Variants in GFRA1 observed in about 807,000 individuals in gnomAD.
GFRA1 encodes GDNF family receptor alpha 1.
In GFRA1, 16 loss-of-function variants were observed where a neutral mutation model predicts 51.6. The ratio of observed to expected loss-of-function variants is 0.31; its 90% CI spans 0.21 to 0.47. The LOEUF (loss-of-function observed/expected upper bound fraction) is 0.47. Among genes scored for constraint, GFRA1 ranks in the 20% least tolerant of loss-of-function variants. GFRA1 has a pLI of 1.00. For missense variants in GFRA1, 530 were observed against 594.3 expected, an observed-to-expected ratio of 0.89 and a Z score of 1.13; for synonymous variants, 270 against 241.3, an observed-to-expected ratio of 1.12 and a Z score of -1.10.
At chr10:116,195,795 CA>C (rs1244716281) in intron 5 of GFRA1, among the ~76,000 whole-genome samples, 1 of 152,176 alleles carries the variant, frequency 6.6e-6, no homozygotes, top group Non-Finnish European at 1.5e-5. Context: ...AGCTCAGGCC[CA>C]AACTTGCAAA....
rs1412401631 is a variant in GFRA1 at position 116,062,424 on chromosome 10, T to A, written c.*1974A>T. 6.9e-6 allele frequency: 2 copies of A among 288,726 alleles called. No individual in the cohort carries two copies. Among genetic ancestry groups the A allele is most frequent in the Non-Finnish European group, 1.3e-5 (2 of 157,832 alleles). 17.9% of individuals were successfully genotyped at this position (288,726 alleles called of 1,614,324 possible). Reference sequence around the variant, plus strand: ...TCTGCTGAATTTCCCTTGAAAACATTTTGAAGTGAAAAAAGTCAGTACTGA... The same window carrying A: ...TCTGCTGAATTTCCCTTGAAAACATATTGAAGTGAAAAAAGTCAGTACTGA... On this transcript the variant is annotated 3_prime_UTR_variant, in exon 11 of 11. Coordinates refer to ENST00000355422, the MANE Select transcript of GFRA1 (RefSeq NM_005264.8).
chr10:116,199,709 T>C (rs1964175045), intron 5 of GFRA1, among the ~76,000 whole-genome samples: 1 of 152,214 alleles, frequency 6.6e-6, no homozygotes, highest in African/African-American at 2.4e-5. Flanking sequence ...TTGGTATTTG[T>C]TTCATTTTTT....
chr10:116,167,926 T>C (rs78103480), intron 5 of GFRA1, among the ~76,000 whole-genome samples: 2,685 of 152,058 alleles, frequency 0.018, 37 homozygotes, highest in South Asian at 0.033. Flanking sequence ...GTCCATATAA[T>C]GGACTTTGGG....
intron 4 of GFRA1, among the ~76,000 whole-genome samples, chr10:116,259,162 A>T (rs1252650532): frequency 6.6e-6 from 1 of 152,200 alleles, no homozygotes; most frequent in Non-Finnish European, 1.5e-5. Context: ...TACATTATTA[A>T]CTGTACACAA....
At chr10:116,227,993 G>C (rs1178713868) in intron 4 of GFRA1, among the ~76,000 whole-genome samples, 1 of 152,216 alleles carries the variant, frequency 6.6e-6, no homozygotes, top group Non-Finnish European at 1.5e-5. Context: ...AAAGAACAAA[G>C]CTCATTTCTG....
chr10:116,062,258 T>C lies in GFRA1; in HGVS notation c.*2140A>G. ...CCAGTGTAGATACACAGAGATACCT[T>C]AATGAAAACAAAATACACTCTGTAA... On this transcript the variant is annotated 3_prime_UTR_variant, in exon 11 of 11. Transcript: ENST00000355422. The C allele has an allele frequency of 2.5e-6, 1 of 397,564 alleles. No individual in the cohort carries two copies. Among genetic ancestry groups the C allele is most frequent in the Non-Finnish European group, 4.4e-6 (1 of 225,720 alleles). 24.6% of individuals were successfully genotyped at this position (397,564 alleles called of 1,614,324 possible).
At chr10:116,257,496 C>T (rs1461973230) in intron 4 of GFRA1, among the ~76,000 whole-genome samples, 2 of 152,266 alleles carry the variant, frequency 1.3e-5, no homozygotes, top group East Asian at 3.9e-4. Context: ...CCCACACTTG[C>T]TCTTGCTCCA....
intron 4 of GFRA1, among the ~76,000 whole-genome samples, chr10:116,265,991 T>C (rs892474328): frequency 1.3e-5 from 2 of 152,154 alleles, no homozygotes; most frequent in Non-Finnish European, 2.9e-5. Context: ...GCTACTTGGT[T>C]TCCCTTCTGC....
At chr10:116,267,602 T>C (rs1969765568) in intron 4 of GFRA1, among the ~76,000 whole-genome samples, 1 of 152,096 alleles carries the variant, frequency 6.6e-6, no homozygotes, top group Non-Finnish European at 1.5e-5. Flanking sequence ...CAGGCATCAG[T>C]ACAAAGGAGG....
At chr10:116,124,755 C>G (rs1957783326) in intron 6 of GFRA1, among the ~76,000 whole-genome samples, 2 of 152,180 alleles carry the variant, frequency 1.3e-5, no homozygotes, top group Non-Finnish European at 2.9e-5. Context: ...ATTCAAAGTT[C>G]TCCCCAAGGC....
In GFRA1 at chr10:116,272,040, C is replaced by T. The variant is rs1009916720; in HGVS notation, c.-11G>A. The T allele has an allele frequency of 2.6e-6, 4 of 1,552,950 alleles. No individual in the cohort carries two copies. Among genetic ancestry groups the T allele is most frequent in the South Asian group, 2.4e-5 (2 of 84,252 alleles). Reference sequence around the variant, plus strand: ...GGTCGCCAGGAACATGGTGCCGGCGCGGGGCTGGTCCCCGCCCCCCCAAAA... The same window carrying T: ...GGTCGCCAGGAACATGGTGCCGGCGTGGGGCTGGTCCCCGCCCCCCCAAAA... On this transcript the variant is annotated 5_prime_UTR_variant, in exon 2 of 11. Transcript: ENST00000355422. This position sits in a 1 kb window ranked among gnomAD's most constrained non-coding sequence, Gnocchi z 4.4.
intron 5 of GFRA1, among the ~76,000 whole-genome samples, chr10:116,151,227 G>C (rs7096445): frequency 0.72 from 110,151 of 152,094 alleles, 40,747 homozygotes; most frequent in East Asian, 0.8. Flanking sequence ...TAGGTTTCCA[G>C]AGACATGCCT....
chr10:116,164,983 A>G (rs758270044), intron 5 of GFRA1, among the ~76,000 whole-genome samples: 2 of 152,136 alleles, frequency 1.3e-5, no homozygotes, highest in African/African-American at 2.4e-5. Context: ...CTCCTTTCCA[A>G]TATTGTGCCT....
chr10:116,272,308 G>T lies in GFRA1; in HGVS notation c.-246-33C>A. 1 of 547,498 alleles carries T rather than the reference G, an allele frequency of 1.8e-6. No individual in the cohort carries two copies. The highest frequency in any genetic ancestry group is 3.3e-6 in the Non-Finnish European group (1 of 304,410). 33.9% of individuals were successfully genotyped at this position (547,498 alleles called of 1,614,324 possible). On this transcript the variant is annotated intron_variant, in intron 1 of 10. Transcript: ENST00000355422. The surrounding 1 kb of genome is among the most constrained non-coding windows in gnomAD (Gnocchi z 4.4). ...GGAGGGCGCGCTTTGAGATGAGAGC[G>T]GAGAGCGCCGGAGACTCCCCCCACA...
At chr10:116,265,059 A>G (rs1969558042) in intron 4 of GFRA1, among the ~76,000 whole-genome samples, 1 of 152,246 alleles carries the variant, frequency 6.6e-6, no homozygotes, top group Non-Finnish European at 1.5e-5. Context: ...AATGCTAAAC[A>G]TGGCTAATTA....
intron 4 of GFRA1, among the ~76,000 whole-genome samples, chr10:116,252,611 G>GA (rs1472188122): frequency 6.6e-6 from 1 of 152,156 alleles, no homozygotes; most frequent in Non-Finnish European, 1.5e-5. Context: ...CACGAAGTCA[G>GA]AAACGCGCAC....
rs748988659 is a variant in GFRA1, at chr10:116,089,898, T to C, written c.1040A>G (p.Asn347Ser). ...CLKNAIQAFG[N>S]GSDVTVWQPA... ...CTGCCACACGGTCACATCGGAGCCATTGCCAAAGGCTTGAATTGCATTTTC... is the reference window on the plus strand; with the variant it reads ...CTGCCACACGGTCACATCGGAGCCACTGCCAAAGGCTTGAATTGCATTTTC... The change falls in exon 9 of 11, where the codon AAT becomes AGT. Residue 347 changes from asparagine (N) to serine (S), a missense_variant. Transcript: ENST00000355422. 1 of 1,613,714 alleles carries C rather than the reference T, an allele frequency of 6.2e-7. No homozygotes were observed. Among genetic ancestry groups the C allele is most frequent in the African/African-American group, 1.3e-5 (1 of 74,906 alleles).
intron 4 of GFRA1, among the ~76,000 whole-genome samples, chr10:116,230,731 CA>C (rs1966627089): frequency 6.6e-5 from 10 of 152,226 alleles, no homozygotes; most frequent in Admixed American, 3.3e-4. Context: ...CACACACACA[CA>C]CACACACACA....
chr10:116,182,550 T>C (rs1256530355), intron 5 of GFRA1, among the ~76,000 whole-genome samples: 1 of 152,184 alleles, frequency 6.6e-6, no homozygotes, highest in East Asian at 1.9e-4. Context: ...AGGAACTCCC[T>C]AGATGCTAAG....
Sources: gnomAD v4.1 joint callset for allele counts (sites outside exome capture counted in the v4.1 genomes callset) on GRCh38, gnomAD v4.1.1 for gene constraint, Gnocchi (gnomAD v3.1) non-coding constraint, MANE v1.5 for transcripts, NCBI Gene and HGNC (gene_info 2026-07-23, HGNC 2026-07-21) for gene names.